The following ERAP1 variants were observed in gnomAD, a reference collection of about 807,000 sequenced individuals.
ERAP1 encodes adipocyte-derived leucine aminopeptidase.
A neutral mutation model predicts 103.7 loss-of-function variants in ERAP1; 86 were observed. The observed-to-expected ratio is 0.83, with a 90% CI of 0.70 to 0.99. ERAP1 has a LOEUF of 0.99. Among genes scored for constraint, ERAP1 ranks in the 50% least tolerant of loss-of-function variants. The pLI is 0.00. For synonymous variants in ERAP1, 398 were observed against 402.4 expected (o/e 0.99, Z 0.13); for missense variants, 1,009 against 1,128.4 (o/e 0.89, Z 1.52).
intron 4 of ERAP1, among the ~76,000 whole-genome samples, chr5:96,796,715 C>G (rs1374820807): frequency 6.6e-6 from 1 of 152,204 alleles, no homozygotes; most frequent in East Asian, 1.9e-4. Context: ...TCCGTGACAA[C>G]AGGCTGGCCA....
the ERAP1 span, chr5:96,895,494 C>A: frequency 1.5e-6 from 1 of 670,512 alleles, no homozygotes; most frequent in Non-Finnish European, 2.6e-6. Context: ...TTGTTTGATA[C>A]ACGAAACAGA....
chr5:96,786,373 G>T (rs1775996128), intron 12 of ERAP1, 97 bp downstream of exon 12: 3 of 839,438 alleles, frequency 3.6e-6, no homozygotes, highest in Non-Finnish European at 6.0e-6. Context: ...GATCCCTTTT[G>T]CTTTAACCAA....
At chr5:96,799,105 A>G (rs1275336802) in intron 3 of ERAP1, among the ~76,000 whole-genome samples, 1 of 152,092 alleles carries the variant, frequency 6.6e-6, no homozygotes, top group African/African-American at 2.4e-5. Flanking sequence ...ACCTCAGGTT[A>G]TCCACCTGCC....
At chr5:96,768,912 CACT>C (rs1771075680) in intron 19 of ERAP1, 1 of 153,612 alleles carries the variant, frequency 6.5e-6, no homozygotes, top group Non-Finnish European at 1.4e-5. Flanking sequence ...TGTATCACAC[CACT>C]GAGCTACGCA....
chr5:96,827,389 CG>C, the ERAP1 span, among the ~76,000 whole-genome samples: 1 of 152,134 alleles, frequency 6.6e-6, no homozygotes, highest in African/African-American at 2.4e-5. Flanking sequence ...AGGCTGGGCG[CG>C]ATGGCTCACG....
At chr5:96,873,018 G>A in the ERAP1 span, among the ~76,000 whole-genome samples, 74 of 152,062 alleles carry the variant, frequency 4.9e-4, 1 homozygote, top group African/African-American at 1.6e-3. Flanking sequence ...GTGAAACCCC[G>A]TCTCTACTAA....
At chr5:96,851,551 T>G in the ERAP1 span, among the ~76,000 whole-genome samples, 1 of 152,292 alleles carries the variant, frequency 6.6e-6, no homozygotes, top group Non-Finnish European at 1.5e-5. Flanking sequence ...ATTCTCTGGT[T>G]TCTTTCTTTT....
chr5:96,932,237 ATG>A, the ERAP1 span, among the ~76,000 whole-genome samples: 1 of 152,220 alleles, frequency 6.6e-6, no homozygotes, highest in Non-Finnish European at 1.5e-5. Context: ...AAACCTCATG[ATG>A]GTCAGCCTTG....
the ERAP1 span, among the ~76,000 whole-genome samples, chr5:96,855,074 C>G: frequency 6.6e-6 from 1 of 152,090 alleles, no homozygotes; most frequent in African/African-American, 2.4e-5. Flanking sequence ...GAAGTTTTTT[C>G]TCTATTAGTA....
the ERAP1 span, among the ~76,000 whole-genome samples, chr5:96,857,995 T>C: frequency 2.0e-5 from 3 of 152,052 alleles, no homozygotes; most frequent in African/African-American, 4.8e-5. Flanking sequence ...CAAAATATGT[T>C]CCAAATGGGT....
the ERAP1 span, chr5:96,901,623 G>C: frequency 1.2e-6 from 2 of 1,614,086 alleles, no homozygotes; most frequent in Non-Finnish European, 1.7e-6. Context: ...ACTGCAACAG[G>C]AGCGCTTCCT....
the ERAP1 span, chr5:96,892,431 T>A: frequency 6.2e-7 from 1 of 1,613,994 alleles, no homozygotes; most frequent in Non-Finnish European, 8.5e-7. Flanking sequence ...ACCAGAGTCA[T>A]AGCCCATGAA....
intron 15 of ERAP1, among the ~76,000 whole-genome samples, chr5:96,782,775 G>A (rs902051275): frequency 2.0e-5 from 3 of 152,144 alleles, no homozygotes; most frequent in Non-Finnish European, 4.4e-5. Flanking sequence ...GGCTGTCACC[G>A]TTTAATAAGA....
chr5:96,813,910 G>T, the ERAP1 span: 11,531 of 173,066 alleles, frequency 0.067, 475 homozygotes, highest in Middle Eastern at 0.15. Context: ...AGTTTTCCTT[G>T]TCACTTTTTA....
chr5:96,902,419 A>G, the ERAP1 span: 3 of 975,620 alleles, frequency 3.1e-6, no homozygotes, highest in South Asian at 4.1e-5. Context: ...AGCTATTTGA[A>G]GGAACGATAC....
At chr5:96,877,467 C>T in the ERAP1 span, among the ~76,000 whole-genome samples, 1 of 152,040 alleles carries the variant, frequency 6.6e-6, no homozygotes. Context: ...GTTATAACCT[C>T]AATAATAATT....
At chr5:96,803,964 A>C in intron 1 of ERAP1, 21 bp from the exon 2 acceptor site, 2 of 1,599,280 alleles carry the variant, frequency 1.3e-6, no homozygotes, top group South Asian at 2.2e-5. Flanking sequence ...AAATGTACAA[A>C]AGCAAAAATA....
chr5:96,845,358 C>T, the ERAP1 span, among the ~76,000 whole-genome samples: 1 of 152,104 alleles, frequency 6.6e-6, no homozygotes, highest in East Asian at 1.9e-4. Context: ...CTTCACTCTC[C>T]TGAGTAGCTG....
chr5:96,917,254 G>A, the ERAP1 span, among the ~76,000 whole-genome samples: 1 of 152,042 alleles, frequency 6.6e-6, no homozygotes, highest in African/African-American at 2.4e-5. Context: ...CTACAGGCAT[G>A]CACCATCATG....
Sources: allele counts gnomAD v4.1 joint callset (sites outside exome capture counted in the v4.1 genomes callset), GRCh38; gene constraint gnomAD v4.1.1; transcripts MANE v1.5; gene names NCBI Gene and HGNC (gene_info 2026-07-23, HGNC 2026-07-21).